SGCZ: variants seen among roughly 807,000 people sequenced by gnomAD.
SGCZ encodes zeta-sarcoglycan.
SGCZ carries 40 observed loss-of-function variants against 41.3 expected under a neutral mutation model. The observed-to-expected ratio is 0.97, with a 90% CI of 0.75 to 1.26. The LOEUF is 1.26. Among genes scored for constraint, SGCZ ranks in the 50% most tolerant of loss-of-function variants. The pLI is 0.00. For synonymous variants in SGCZ, 206 were observed against 137.5 expected (o/e 1.50, Z -3.49); for missense variants, 552 against 369.8 (o/e 1.49, Z -4.04).
At chr8:14,847,478 T>C (rs1331318929) in intron 1 of SGCZ, among the ~76,000 whole-genome samples, 1 of 150,692 alleles carries the variant, frequency 6.6e-6, no homozygotes, top group Non-Finnish European at 1.5e-5. Context: ...AATTCTCAAG[T>C]GAATCTATGT....
intron 1 of SGCZ, among the ~76,000 whole-genome samples, chr8:14,936,913 TTACTA>T (rs769170052): frequency 2.2e-4 from 34 of 151,812 alleles, no homozygotes; most frequent in Admixed American, 6.6e-5. Context: ...TTATTAAACT[TTACTA>T]CACTAAAGGC....
At chr8:14,548,617 T>A (rs1460787421) in intron 2 of SGCZ, among the ~76,000 whole-genome samples, 1 of 152,134 alleles carries the variant, frequency 6.6e-6, no homozygotes, top group Non-Finnish European at 1.5e-5. Flanking sequence ...TGTGAGCTAT[T>A]TAAATAAAGT....
At chr8:14,605,014 C>T (rs1805704740) in intron 1 of SGCZ, among the ~76,000 whole-genome samples, 3 of 152,136 alleles carry the variant, frequency 2.0e-5, no homozygotes. Flanking sequence ...TTCAGTCTTG[C>T]TCTGTGGTAT....
intron 1 of SGCZ, among the ~76,000 whole-genome samples, chr8:15,008,896 T>G (rs534135989): frequency 5.3e-5 from 8 of 152,134 alleles, no homozygotes; most frequent in African/African-American, 1.9e-4. Flanking sequence ...TTTTTTTATT[T>G]TTAAGGAAAA....
intron 2 of SGCZ, among the ~76,000 whole-genome samples, chr8:14,343,000 G>A (rs1301227737): frequency 6.6e-6 from 1 of 152,172 alleles, no homozygotes; most frequent in Non-Finnish European, 1.5e-5. Flanking sequence ...CTCCTGCCCT[G>A]ACTGAAAGGG....
intron 1 of SGCZ, among the ~76,000 whole-genome samples, chr8:15,044,653 T>A (rs1185933911): frequency 6.6e-6 from 1 of 152,116 alleles, no homozygotes; most frequent in Non-Finnish European, 1.5e-5. Context: ...GGATAGGTTA[T>A]ACGAAAATGA....
intron 2 of SGCZ, among the ~76,000 whole-genome samples, chr8:14,368,773 C>T (rs554273560): frequency 1.3e-5 from 2 of 151,472 alleles, no homozygotes; most frequent in South Asian, 4.2e-4. Context: ...CAAAATGCAG[C>T]ACCATGTTTG....
intron 1 of SGCZ, among the ~76,000 whole-genome samples, chr8:14,946,975 G>GT (rs1800471830): frequency 6.6e-6 from 1 of 151,996 alleles, no homozygotes; most frequent in Non-Finnish European, 1.5e-5. Context: ...CACCTGGACT[G>GT]CCTCTTTCTA....
At chr8:15,083,522 G>C (rs902747871) in intron 1 of SGCZ, among the ~76,000 whole-genome samples, 20 of 151,938 alleles carry the variant, frequency 1.3e-4, no homozygotes, top group African/African-American at 4.6e-4. Context: ...TAACTTTTTT[G>C]CTATTTCTAT....
intron 2 of SGCZ, among the ~76,000 whole-genome samples, chr8:14,389,271 A>G (rs1383610251): frequency 1.3e-5 from 2 of 151,924 alleles, no homozygotes; most frequent in African/African-American, 4.8e-5. Context: ...GTTTCCAGTA[A>G]GAGTGTAGGA....
chr8:14,871,574 G>C (rs992743806), intron 1 of SGCZ, among the ~76,000 whole-genome samples: 3 of 152,020 alleles, frequency 2.0e-5, no homozygotes, highest in Admixed American at 6.6e-5. Context: ...GGGAGGCTAA[G>C]ATGGGAGGTT....
chr8:14,645,020 T>C (rs1437400208), intron 1 of SGCZ, among the ~76,000 whole-genome samples: 3 of 151,308 alleles, frequency 2.0e-5, no homozygotes, highest in Admixed American at 6.6e-5. Flanking sequence ...TGGTCTCAGG[T>C]CTCATCTGAG....
intron 1 of SGCZ, among the ~76,000 whole-genome samples, chr8:14,980,136 T>G (rs995363610): frequency 1.8e-4 from 27 of 152,156 alleles, no homozygotes; most frequent in Admixed American, 1.0e-3. Flanking sequence ...GACATGGCCA[T>G]GCAGTGGAAT....
At chr8:14,435,382 G>C (rs1434896342) in intron 2 of SGCZ, among the ~76,000 whole-genome samples, 12 of 152,080 alleles carry the variant, frequency 7.9e-5, no homozygotes, top group African/African-American at 2.7e-4. Flanking sequence ...GATCTCCCAA[G>C]CACTTGTGCA....
intron 3 of SGCZ, among the ~76,000 whole-genome samples, chr8:14,256,503 T>C (rs1371988907): frequency 6.7e-6 from 1 of 148,850 alleles, no homozygotes; most frequent in Non-Finnish European, 1.5e-5. Context: ...AAATCCCTCA[T>C]ATACATATAT....
intron 1 of SGCZ, among the ~76,000 whole-genome samples, chr8:14,809,091 G>A (rs1383094628): frequency 2.0e-5 from 3 of 146,698 alleles, no homozygotes; most frequent in Admixed American, 6.7e-5. Flanking sequence ...GGGGTGGGTG[G>A]AGGGGGGAGG....
chr8:14,543,286 A>C (rs1803525726), intron 2 of SGCZ, among the ~76,000 whole-genome samples: 1 of 152,122 alleles, frequency 6.6e-6, no homozygotes, highest in African/African-American at 2.4e-5. Flanking sequence ...TCCTCCTAGA[A>C]ATTTGTTCAA....
At chr8:15,124,784 T>G (rs1807618255) in intron 1 of SGCZ, among the ~76,000 whole-genome samples, 1 of 152,200 alleles carries the variant, frequency 6.6e-6, no homozygotes, top group Non-Finnish European at 1.5e-5. Flanking sequence ...TGATTGCATT[T>G]TTGTGCAAAT....
At chr8:14,287,304 A>C (rs999015571) in intron 3 of SGCZ, among the ~76,000 whole-genome samples, 4 of 151,930 alleles carry the variant, frequency 2.6e-5, no homozygotes, top group Non-Finnish European at 5.9e-5. Flanking sequence ...TTTCAATGTC[A>C]TACTGGGTGT....
Sources: gnomAD v4.1 joint callset for allele counts (sites outside exome capture counted in the v4.1 genomes callset) on GRCh38, gnomAD v4.1.1 for gene constraint, MANE v1.5 for transcripts, NCBI Gene and HGNC (gene_info 2026-07-23, HGNC 2026-07-21) for gene names.